ARFGEF3: variants seen among roughly 807,000 people sequenced by gnomAD.
ARFGEF3 encodes the protein brefeldin A-inhibited guanine nucleotide-exchange protein 3.
A neutral mutation model predicts 221.7 loss-of-function variants in ARFGEF3; 96 were observed. The observed-to-expected ratio is 0.43, with a 90% confidence interval of 0.37 to 0.51. The LOEUF is 0.51. ARFGEF3 is among the 20% of genes least tolerant of loss of function. The pLI, the probability that ARFGEF3 is intolerant of heterozygous loss-of-function variation, is 0.00. For missense variants in ARFGEF3, 2,410 were observed against 2,789.9 expected, an observed-to-expected ratio of 0.86 and a Z score of 3.07; for synonymous variants, 1,145 against 1,126.8, an observed-to-expected ratio of 1.02 and a Z score of -0.32.
At position 138,334,442 on chromosome 6, in the gene ARFGEF3, A is replaced by G; in HGVS notation, c.5596A>G (p.Thr1866Ala). Residue 1866 changes from threonine (T) to alanine (A), a missense_variant, in exon 33 of 34, where the codon ACC becomes GCC. Transcript: ENST00000251691. The surrounding 1 kb of genome is among the most constrained non-coding windows in gnomAD (Gnocchi z 5.1). ...TGAGGATGAAGACATCTTTGAGGAAACCGCCCAGGTCAGCCCCCCGAGAGG... is the reference window on the plus strand; with the variant it reads ...TGAGGATGAAGACATCTTTGAGGAAGCCGCCCAGGTCAGCCCCCCGAGAGG... Reference protein sequence around the residue: ...SSEDEDIFEETAQVSPPRGKE... With the variant: ...SSEDEDIFEEAAQVSPPRGKE... 1 of 1,611,134 alleles carries G rather than the reference A, an allele frequency of 6.2e-7. No individual in the cohort carries two copies. Among genetic ancestry groups the G allele is most frequent in the South Asian group, 1.1e-5 (1 of 90,428 alleles).
chr6:138,300,813 G>A (rs1421140142), intron 22 of ARFGEF3, among the ~76,000 whole-genome samples: 1 of 152,156 alleles, frequency 6.6e-6, no homozygotes, highest in Non-Finnish European at 1.5e-5. Flanking sequence ...ACCTTAAATA[G>A]ATTAGTCATA....
At chr6:138,220,763 AT>A (rs572713211) in intron 4 of ARFGEF3, among the ~76,000 whole-genome samples, 55 of 152,262 alleles carry the variant, frequency 3.6e-4, no homozygotes, top group Non-Finnish European at 6.3e-4. Flanking sequence ...TTAATCACAT[AT>A]TATCATCCAG....
chr6:138,279,931 G>C (rs1376551882), intron 13 of ARFGEF3, 68 bp from the exon 14 acceptor site: 1 of 1,497,862 alleles, frequency 6.7e-7, no homozygotes. Flanking sequence ...AGAGGCAGCA[G>C]AGGCACTTAG....
At chr6:138,318,318 G>A (rs753287685) in intron 27 of ARFGEF3, among the ~76,000 whole-genome samples, 4 of 152,142 alleles carry the variant, frequency 2.6e-5, no homozygotes. Flanking sequence ...TGTGTGAAGA[G>A]CATTTAATCC....
chr6:138,186,909 T>C (rs868023921), intron 2 of ARFGEF3, among the ~76,000 whole-genome samples: 5 of 124,084 alleles, frequency 4.0e-5, no homozygotes, highest in Admixed American at 1.6e-4. Flanking sequence ...TTTCTTTTTT[T>C]TTTTTTTTTT....
intron 3 of ARFGEF3, among the ~76,000 whole-genome samples, chr6:138,209,079 C>G (rs1162515639): frequency 1.3e-5 from 2 of 152,068 alleles, no homozygotes; most frequent in African/African-American, 4.8e-5. Context: ...GTCCTCATAA[C>G]AATGAATGTC....
At chr6:138,236,117 T>G (rs943707028) in intron 5 of ARFGEF3, among the ~76,000 whole-genome samples, 2 of 152,236 alleles carry the variant, frequency 1.3e-5, no homozygotes, top group African/African-American at 4.8e-5. Context: ...TTCATGAGTC[T>G]AAAGTGAATG....
At chr6:138,239,936 C>T (rs1487529189) in intron 6 of ARFGEF3, among the ~76,000 whole-genome samples, 1 of 152,048 alleles carries the variant, frequency 6.6e-6, no homozygotes, top group Non-Finnish European at 1.5e-5. Flanking sequence ...AGAAGTAAAC[C>T]CCTGGTCTCT....
chr6:138,288,468 G>A (rs1464574949), intron 17 of ARFGEF3, among the ~76,000 whole-genome samples: 1 of 152,066 alleles, frequency 6.6e-6, no homozygotes, highest in Non-Finnish European at 1.5e-5. Flanking sequence ...CGGATCATTT[G>A]AGGTCAGGAG....
intron 5 of ARFGEF3, among the ~76,000 whole-genome samples, chr6:138,233,351 A>G (rs1027247912): frequency 6.6e-6 from 1 of 151,730 alleles, no homozygotes; most frequent in African/African-American, 2.4e-5. Flanking sequence ...GGGCTGGTTT[A>G]TAGCTCTTGA....
intron 2 of ARFGEF3, among the ~76,000 whole-genome samples, chr6:138,172,531 G>A (rs960261869): frequency 6.6e-6 from 1 of 152,136 alleles, no homozygotes; most frequent in Admixed American, 6.5e-5. Flanking sequence ...GTGATTATAA[G>A]GACCGGGAAA....
chr6:138,330,342 C>T (rs60506209), intron 32 of ARFGEF3, among the ~76,000 whole-genome samples: 22,747 of 151,998 alleles, frequency 0.15, 2,941 homozygotes, highest in African/African-American at 0.36. Context: ...AAGATGGTCA[C>T]CTGTATTCTG....
chr6:138,332,535 C>T (rs1780246371), intron 32 of ARFGEF3, among the ~76,000 whole-genome samples: 1 of 152,020 alleles, frequency 6.6e-6, no homozygotes, highest in South Asian at 2.1e-4. Flanking sequence ...TTGTTATAAG[C>T]TTTTGGAGTC....
chr6:138,323,001 C>T (rs574734473), intron 29 of ARFGEF3, among the ~76,000 whole-genome samples: 6 of 150,970 alleles, frequency 4.0e-5, no homozygotes, highest in Non-Finnish European at 8.8e-5. Flanking sequence ...GGGGACTTTC[C>T]AAGCAGAAGA....
rs557011825 is a variant in ARFGEF3 at position 138,307,769 on chromosome 6, G to A, written c.3973+372G>A. On this transcript the variant is annotated intron_variant, in intron 23 of 33. Coordinates refer to ENST00000251691, the MANE Select transcript of ARFGEF3 (RefSeq NM_020340.5). Reference sequence around the variant, plus strand: ...AGAATTAGGGAGATTCGGTCTGCTGGAAATGGATGGGTACCCATAAAGCAT... The same window carrying A: ...AGAATTAGGGAGATTCGGTCTGCTGAAAATGGATGGGTACCCATAAAGCAT... Among the ~76,000 whole-genome samples the A allele has an allele frequency of 5.3e-5, 8 of 152,274 alleles. No individual in the cohort carries two copies. In the South Asian group the frequency reaches 1.7e-3, roughly 32 times the overall value.
At chr6:138,248,129 T>C (rs1167086634) in intron 8 of ARFGEF3, among the ~76,000 whole-genome samples, 2 of 152,212 alleles carry the variant, frequency 1.3e-5, no homozygotes, top group African/African-American at 4.8e-5. Context: ...AGAGTTGTCA[T>C]AGAAGAAGAA....
intron 19 of ARFGEF3, among the ~76,000 whole-genome samples, chr6:138,292,281 G>A (rs759301267): frequency 1.6e-4 from 25 of 152,144 alleles, no homozygotes; most frequent in Admixed American, 7.2e-4. Flanking sequence ...AAAGCGCTGC[G>A]CTTACTCTGG....
chr6:138,320,559 C>T (rs1445044308), intron 28 of ARFGEF3, among the ~76,000 whole-genome samples: 3 of 152,122 alleles, frequency 2.0e-5, no homozygotes, highest in Non-Finnish European at 2.9e-5. Context: ...GAAGGACTGG[C>T]ATATCATGGT....
At chr6:138,296,660 T>C in intron 20 of ARFGEF3, 150 bp from the exon 21 acceptor site, 1 of 897,626 alleles carries the variant, frequency 1.1e-6, no homozygotes, top group Non-Finnish European at 1.7e-6. Flanking sequence ...CACATCCTTC[T>C]TGAATCCAGG....
Sources: allele counts gnomAD v4.1 joint callset (sites outside exome capture counted in the v4.1 genomes callset), GRCh38; gene constraint gnomAD v4.1.1; non-coding constraint Gnocchi (gnomAD v3.1); transcripts MANE v1.5; gene names NCBI Gene and HGNC (gene_info 2026-07-23, HGNC 2026-07-21).